The following DNM3 variants were observed in gnomAD, a reference collection of about 807,000 sequenced individuals.
DNM3 encodes dynamin 3.
A neutral mutation model predicts 101.6 loss-of-function variants in DNM3; 47 were observed. That is an observed-to-expected ratio of 0.46 (90% CI 0.37 to 0.59). DNM3 has a LOEUF of 0.59. Among genes scored for constraint, DNM3 ranks in the 20% least tolerant of loss-of-function variants. DNM3 has a pLI of 0.00. For synonymous variants in DNM3, 385 were observed against 387.9 expected, an observed-to-expected ratio of 0.99 and a Z score of 0.09; for missense variants, 849 against 1,085.7, an observed-to-expected ratio of 0.78 and a Z score of 3.06.
intron 14 of DNM3, among the ~76,000 whole-genome samples, chr1:172,182,212 T>A (rs1053971032): frequency 6.6e-6 from 1 of 151,058 alleles, no homozygotes; most frequent in Non-Finnish European, 1.5e-5. Context: ...CTGTCCAAGA[T>A]CAGTTAGGGG....
At chr1:172,257,690 G>A (rs996563569) in intron 15 of DNM3, among the ~76,000 whole-genome samples, 4 of 151,942 alleles carry the variant, frequency 2.6e-5, no homozygotes, top group African/African-American at 9.7e-5. Flanking sequence ...CATCACAAGT[G>A]TATATCATTT....
intron 2 of DNM3, among the ~76,000 whole-genome samples, chr1:171,924,655 G>T (rs1287454195): frequency 2.0e-5 from 3 of 152,082 alleles, no homozygotes; most frequent in Non-Finnish European, 4.4e-5. Flanking sequence ...CCTCCACCTG[G>T]TCTCTCCCTT....
At chr1:171,893,902 A>G (rs75637956) in intron 1 of DNM3, among the ~76,000 whole-genome samples, 2,192 of 152,304 alleles carry the variant, frequency 0.014, 60 homozygotes, top group African/African-American at 0.048. Context: ...TCATAATCTT[A>G]ACTACATAGT....
At chr1:172,013,645 G>A (rs1225567684) in intron 4 of DNM3, among the ~76,000 whole-genome samples, 1 of 151,930 alleles carries the variant, frequency 6.6e-6, no homozygotes, top group African/African-American at 2.4e-5. Flanking sequence ...TCCTGATTGA[G>A]GACCCATTAA....
At chr1:172,119,060 T>G (rs938139836) in intron 13 of DNM3, among the ~76,000 whole-genome samples, 1 of 151,918 alleles carries the variant, frequency 6.6e-6, no homozygotes, top group East Asian at 1.9e-4. Context: ...TGGAGCAATC[T>G]TGGCTCACCA....
At chr1:172,055,101 T>A (rs2050499160) in intron 10 of DNM3, among the ~76,000 whole-genome samples, 1 of 152,126 alleles carries the variant, frequency 6.6e-6, no homozygotes, top group Non-Finnish European at 1.5e-5. Flanking sequence ...AACAAGTGAA[T>A]CCAAGTCCTT....
At chr1:172,274,610 T>C (rs78675787) in intron 15 of DNM3, among the ~76,000 whole-genome samples, 2,380 of 152,112 alleles carry the variant, frequency 0.016, 61 homozygotes, top group African/African-American at 0.053. Context: ...TACTAAATGC[T>C]ATGTATGCCA....
rs1212866859 is a variant in DNM3, at chr1:172,258,465, T to C, written c.1769+4783T>C. Among the ~76,000 whole-genome samples, 5 of 152,164 alleles carry C rather than the reference T, an allele frequency of 3.3e-5. No individual in the cohort carries two copies. The East Asian group carries it at 9.6e-4, about 29-fold the overall frequency. On this transcript the variant is annotated intron_variant, in intron 15 of 20. Transcript: ENST00000627582. Reference sequence around the variant, plus strand: ...ATTACTCATTATTGGTTGGTTCAGGTTTTTTATTTCTTTCTGATTCAATCT... The same window carrying C: ...ATTACTCATTATTGGTTGGTTCAGGCTTTTTATTTCTTTCTGATTCAATCT...
rs1354725728 is a variant in DNM3, at chr1:172,410,892, T to G, written c.*3051T>G. 7.1e-6 allele frequency: 7 copies of G among 985,212 alleles called. No homozygotes were observed. The highest frequency in any genetic ancestry group is 8.4e-6 in the Non-Finnish European group (7 of 829,838). 61.0% of individuals were successfully genotyped at this position (985,212 alleles called of 1,614,324 possible). ...AATATGAAATGGGACCTAATACCAG[T>G]ATGTGATAAATGTTGATGTTTTCTG... is the stretch of plus-strand genomic sequence containing the variant. On this transcript the variant is annotated 3_prime_UTR_variant, in exon 21 of 21. Transcript: ENST00000627582.
At chr1:172,113,657 T>C (rs1170901084) in intron 13 of DNM3, among the ~76,000 whole-genome samples, 3 of 142,414 alleles carry the variant, frequency 2.1e-5, no homozygotes, top group Non-Finnish European at 4.5e-5. Flanking sequence ...ACTCAGGAAG[T>C]CCATGTTTTC....
intron 14 of DNM3, among the ~76,000 whole-genome samples, chr1:172,142,376 G>T (rs1345739470): frequency 6.6e-6 from 1 of 152,046 alleles, no homozygotes; most frequent in African/African-American, 2.4e-5. Context: ...TTTATAAAAT[G>T]AGCTTTTACC....
Position 171,888,504 on chromosome 1 carries a change from C to T in DNM3, c.162-33244C>T, listed in dbSNP as rs2036977153. Among the ~76,000 whole-genome samples the T allele has an allele frequency of 3.3e-5, 5 of 152,168 alleles. No homozygotes were observed. The South Asian group carries it at 6.2e-4, about 19-fold the overall frequency. On this transcript the variant is annotated intron_variant, in intron 1 of 20. Coordinates refer to ENST00000627582, the MANE Select transcript of DNM3 (RefSeq NM_015569.5). ...AAAGGATGCAGAAATAGGTCTCAAT[C>T]TCCATTTGCTTGGCCTCCTGACCTC...
chr1:172,179,929 T>C (rs2059285152), intron 14 of DNM3, among the ~76,000 whole-genome samples: 1 of 151,998 alleles, frequency 6.6e-6, no homozygotes, highest in Admixed American at 6.6e-5. Context: ...CTACCATTAG[T>C]AGATAATAAG....
chr1:172,403,248 G>T (rs763142720), intron 20 of DNM3, among the ~76,000 whole-genome samples: 8 of 152,068 alleles, frequency 5.3e-5, no homozygotes, highest in Admixed American at 6.6e-5. Context: ...CCCATCCTAT[G>T]GAGAAATAAG....
intron 13 of DNM3, among the ~76,000 whole-genome samples, chr1:172,122,421 G>A (rs564872347): frequency 1.3e-5 from 2 of 152,230 alleles, no homozygotes; most frequent in South Asian, 4.2e-4. Context: ...TTGAAGCAAA[G>A]GGAGTTTGTT....
intron 13 of DNM3, 24 bp downstream of exon 13, chr1:172,092,899 G>A (rs1247774440): frequency 6.5e-7 from 1 of 1,541,864 alleles, no homozygotes; most frequent in African/African-American, 1.4e-5. Flanking sequence ...AAGAGAATCA[G>A]TGTATGCATG....
chr1:172,087,080 T>C (rs1441416949), intron 12 of DNM3, among the ~76,000 whole-genome samples: 1 of 152,190 alleles, frequency 6.6e-6, no homozygotes, highest in African/African-American at 2.4e-5. Context: ...TCCACTCCAC[T>C]GAGACTGCTT....
chr1:171,980,106 C>T (rs1019425853), intron 2 of DNM3, among the ~76,000 whole-genome samples: 2 of 151,664 alleles, frequency 1.3e-5, no homozygotes, highest in Non-Finnish European at 2.9e-5. Flanking sequence ...AACTTTTACC[C>T]ACTGCAGGAC....
At chr1:172,309,196 A>G (rs1428770913) in intron 16 of DNM3, 2 of 192,496 alleles carry the variant, frequency 1.0e-5, no homozygotes, top group African/African-American at 4.6e-5. Context: ...ATCATCAATC[A>G]TAACACCAGC....
Sources: allele counts gnomAD v4.1 joint callset (sites outside exome capture counted in the v4.1 genomes callset), GRCh38; gene constraint gnomAD v4.1.1; transcripts MANE v1.5; gene names NCBI Gene and HGNC (gene_info 2026-07-23, HGNC 2026-07-21).